CACNA2D1: variants seen among roughly 807,000 people sequenced by gnomAD.
The protein encoded by CACNA2D1 is voltage-dependent calcium channel subunit alpha-2/delta-1.
Under a neutral mutation model 171.5 loss-of-function variants are expected in CACNA2D1, and 53 were observed. The ratio of observed to expected loss-of-function variants is 0.31; its 90% CI spans 0.25 to 0.39. The LOEUF is 0.39. CACNA2D1 is among the 10% of genes least tolerant of loss of function. The pLI is 1.00. For synonymous variants in CACNA2D1, 442 were observed against 443.1 expected (o/e 1.00, Z 0.03); for missense variants, 903 against 1,299.8 (o/e 0.69, Z 4.69).
At chr7:82,390,603 G>T (rs1825005428) in intron 1 of CACNA2D1, among the ~76,000 whole-genome samples, 1 of 152,086 alleles carries the variant, frequency 6.6e-6, no homozygotes, top group African/African-American at 2.4e-5. Flanking sequence ...CTAGAAAAGT[G>T]GTTTATGGAG....
intron 3 of CACNA2D1, among the ~76,000 whole-genome samples, chr7:82,292,897 T>C (rs944028353): frequency 2.0e-5 from 3 of 152,204 alleles, no homozygotes; most frequent in African/African-American, 7.2e-5. Flanking sequence ...CAAATACATA[T>C]GTATGCATAT....
chr7:82,443,017 G>C (rs1463452709), intron 1 of CACNA2D1, among the ~76,000 whole-genome samples: 1 of 152,230 alleles, frequency 6.6e-6, no homozygotes, highest in Admixed American at 6.5e-5. Flanking sequence ...GAATCAGAGC[G>C]GGTGAGCTGG....
chr7:82,048,587 G>C (rs971958102), intron 10 of CACNA2D1, among the ~76,000 whole-genome samples: 1 of 151,994 alleles, frequency 6.6e-6, no homozygotes, highest in Non-Finnish European at 1.5e-5. Flanking sequence ...TGATGAAATA[G>C]ATTTTTATTC....
At chr7:82,011,982 G>T in intron 15 of CACNA2D1, 172 bp downstream of exon 15, 1 of 623,690 alleles carries the variant, frequency 1.6e-6, no homozygotes, top group Non-Finnish European at 2.9e-6. Flanking sequence ...TACTACATAC[G>T]AGTCTATGTT....
intron 7 of CACNA2D1, among the ~76,000 whole-genome samples, chr7:82,076,079 C>T (rs1258916275): frequency 1.3e-5 from 2 of 152,116 alleles, no homozygotes; most frequent in Non-Finnish European, 2.9e-5. Flanking sequence ...GGTATGACTG[C>T]ATCCTTGGTT....
At chr7:82,032,934 C>A (rs377491974) in intron 11 of CACNA2D1, 33 bp from the exon 12 acceptor site, 1 of 1,102,842 alleles carries the variant, frequency 9.1e-7, no homozygotes, top group Non-Finnish European at 1.4e-6. Flanking sequence ...AAACAATATG[C>A]GTATTATTCA....
intron 10 of CACNA2D1, among the ~76,000 whole-genome samples, chr7:82,040,199 T>C (rs557662583): frequency 6.6e-6 from 1 of 151,702 alleles, no homozygotes; most frequent in South Asian, 2.1e-4. Context: ...TAGGACTTGG[T>C]GGTGGATTTA....
chr7:82,387,851 T>C (rs1391962781), intron 1 of CACNA2D1, among the ~76,000 whole-genome samples: 1 of 151,816 alleles, frequency 6.6e-6, no homozygotes, highest in Non-Finnish European at 1.5e-5. Flanking sequence ...GAGGCAGAGG[T>C]AGGCACATTT....
At chr7:82,377,924 G>A (rs1823206412) in intron 1 of CACNA2D1, among the ~76,000 whole-genome samples, 1 of 152,072 alleles carries the variant, frequency 6.6e-6, no homozygotes, top group African/African-American at 2.4e-5. Flanking sequence ...TTCTCACTTG[G>A]GAGTTCAGGT....
chr7:82,401,612 C>T (rs1047657588), intron 1 of CACNA2D1, among the ~76,000 whole-genome samples: 3 of 150,388 alleles, frequency 2.0e-5, no homozygotes, highest in African/African-American at 7.4e-5. Context: ...TGCTAGATGA[C>T]GAGTTAGTGG....
intron 20 of CACNA2D1, among the ~76,000 whole-genome samples, chr7:81,993,557 A>G (rs1458146078): frequency 2.0e-5 from 3 of 152,156 alleles, no homozygotes; most frequent in Non-Finnish European, 4.4e-5. Context: ...GAGCTTTTGA[A>G]AGATATCACC....
intron 3 of CACNA2D1, among the ~76,000 whole-genome samples, chr7:82,185,746 G>T (rs1006240300): frequency 6.6e-6 from 1 of 152,096 alleles, no homozygotes; most frequent in Admixed American, 6.5e-5. Context: ...GTTTGGAAGA[G>T]CAGATGAGAT....
chr7:82,123,505 T>C (rs957304606), intron 5 of CACNA2D1, among the ~76,000 whole-genome samples: 3 of 152,158 alleles, frequency 2.0e-5, no homozygotes, highest in African/African-American at 7.2e-5. Context: ...ATGTAATAAA[T>C]TCAAATTTTA....
intron 6 of CACNA2D1, among the ~76,000 whole-genome samples, chr7:82,099,339 C>T (rs980222581): frequency 6.6e-6 from 1 of 150,878 alleles, no homozygotes; most frequent in South Asian, 2.1e-4. Flanking sequence ...AAATTAAAAG[C>T]CAGTACATTT....
At chr7:82,086,985 G>A (rs1471663949) in intron 6 of CACNA2D1, among the ~76,000 whole-genome samples, 1 of 151,952 alleles carries the variant, frequency 6.6e-6, no homozygotes, top group Non-Finnish European at 1.5e-5. Context: ...TTCTTTTTCA[G>A]ACAAGCCATT....
At chr7:82,248,405 G>A (rs1327302438) in intron 3 of CACNA2D1, among the ~76,000 whole-genome samples, 5 of 151,934 alleles carry the variant, frequency 3.3e-5, no homozygotes, top group Non-Finnish European at 7.4e-5. Context: ...TACACCCAGG[G>A]GTGACCCCAT....
At chr7:81,994,797 A>C (rs1797877520) in intron 20 of CACNA2D1, 71 bp downstream of exon 20, 3 of 795,698 alleles carry the variant, frequency 3.8e-6, no homozygotes, top group South Asian at 1.5e-5. Flanking sequence ...ATAGAAAAAA[A>C]GGACAAGTTA....
At chr7:82,050,749 C>T (rs574632356) in intron 10 of CACNA2D1, 1 of 655,582 alleles carries the variant, frequency 1.5e-6, no homozygotes, top group Admixed American at 2.2e-5. Flanking sequence ...CACTAAATAA[C>T]AATAATCATC....
chr7:82,101,921 A>G (rs1812722827), intron 6 of CACNA2D1, among the ~76,000 whole-genome samples: 1 of 152,146 alleles, frequency 6.6e-6, no homozygotes, highest in African/African-American at 2.4e-5. Context: ...TGGGTCACAG[A>G]TTTTGAATTT....
Sources: allele counts gnomAD v4.1 joint callset (sites outside exome capture counted in the v4.1 genomes callset), GRCh38; gene constraint gnomAD v4.1.1; transcripts MANE v1.5; gene names NCBI Gene and HGNC (gene_info 2026-07-23, HGNC 2026-07-21).